The following GPC5 variants were observed in gnomAD, a reference collection of about 807,000 sequenced individuals.
The protein encoded by GPC5 is glypican 5.
A neutral mutation model predicts 53.9 loss-of-function variants in GPC5; 47 were observed. The ratio of observed to expected loss-of-function variants is 0.87; its 90% CI spans 0.69 to 1.11. The LOEUF (loss-of-function observed/expected upper bound fraction) is 1.11, where lower values mean the gene tolerates loss of function less well. GPC5 is among the 50% of genes most tolerant of loss of function. GPC5 has a pLI of 0.00. For missense variants in GPC5, 748 were observed against 713.1 expected, an observed-to-expected ratio of 1.05 and a Z score of -0.56; for synonymous variants, 286 against 263.3, an observed-to-expected ratio of 1.09 and a Z score of -0.84.
intron 7 of GPC5, among the ~76,000 whole-genome samples, chr13:92,809,906 G>A (rs372844689): frequency 3.4e-4 from 52 of 152,172 alleles, no homozygotes; most frequent in East Asian, 3.3e-3. Flanking sequence ...TAAACCTAGT[G>A]TGTGTGTCAC....
At chr13:92,526,280 G>T (rs568204855) in intron 7 of GPC5, among the ~76,000 whole-genome samples, 3 of 152,034 alleles carry the variant, frequency 2.0e-5, no homozygotes, top group Admixed American at 6.6e-5. Flanking sequence ...TGACAGAAAG[G>T]CCAATTAGGT....
chr13:92,784,468 A>G (rs1876142584), intron 7 of GPC5, among the ~76,000 whole-genome samples: 1 of 151,892 alleles, frequency 6.6e-6, no homozygotes, highest in African/African-American at 2.4e-5. Context: ...TACTTTACTC[A>G]CAGTCTCCCT....
At chr13:91,855,392 C>T (rs1434019231) in intron 5 of GPC5, among the ~76,000 whole-genome samples, 2 of 151,726 alleles carry the variant, frequency 1.3e-5, no homozygotes, top group East Asian at 3.9e-4. Flanking sequence ...ACAACCATGG[C>T]AATCCACATT....
intron 3 of GPC5, among the ~76,000 whole-genome samples, chr13:91,707,766 T>C (rs1364017369): frequency 6.6e-6 from 1 of 152,142 alleles, no homozygotes; most frequent in Admixed American, 6.6e-5. Context: ...AAAAGTTAAA[T>C]TGAGAGCTAG....
intron 2 of GPC5, among the ~76,000 whole-genome samples, chr13:91,671,780 C>CCAAAA (rs2035249718): frequency 3.0e-5 from 1 of 33,124 alleles, no homozygotes; most frequent in Non-Finnish European, 5.8e-5. Flanking sequence ...CAATCTGAAG[C>CCAAAA]AAAAAAAAAA....
At chr13:91,454,442 A>G (rs1881400013) in intron 2 of GPC5, among the ~76,000 whole-genome samples, 1 of 152,100 alleles carries the variant, frequency 6.6e-6, no homozygotes, top group South Asian at 2.1e-4. Flanking sequence ...TCTTGCAAGC[A>G]CAGTAATTTG....
chr13:91,973,588 C>T (rs1248312514), intron 6 of GPC5, among the ~76,000 whole-genome samples: 4 of 152,188 alleles, frequency 2.6e-5, no homozygotes, highest in African/African-American at 9.7e-5. Flanking sequence ...TTTTCCCCAT[C>T]TTTGTGGTTT....
intron 2 of GPC5, among the ~76,000 whole-genome samples, chr13:91,600,705 A>G (rs1410227485): frequency 6.6e-6 from 1 of 152,152 alleles, no homozygotes; most frequent in African/African-American, 2.4e-5. Flanking sequence ...GGTTTTATCA[A>G]TAATTCTTAT....
At chr13:91,969,389 T>C (rs1447064384) in intron 6 of GPC5, among the ~76,000 whole-genome samples, 2 of 152,194 alleles carry the variant, frequency 1.3e-5, no homozygotes, top group African/African-American at 4.8e-5. Flanking sequence ...TCAAAATGGA[T>C]TAAAGGCTTA....
At chr13:92,645,280 G>C (rs1473093113) in intron 7 of GPC5, among the ~76,000 whole-genome samples, 1 of 151,998 alleles carries the variant, frequency 6.6e-6, no homozygotes, top group East Asian at 1.9e-4. Flanking sequence ...CAAGTAGCTG[G>C]GACTACAGTG....
At chr13:92,809,559 CTG>C (rs1451159835) in intron 7 of GPC5, among the ~76,000 whole-genome samples, 2 of 152,182 alleles carry the variant, frequency 1.3e-5, no homozygotes, top group African/African-American at 2.4e-5. Flanking sequence ...CATGGTACAC[CTG>C]CATGTGCAGA....
At chr13:92,572,901 A>T (rs1476939827) in intron 7 of GPC5, among the ~76,000 whole-genome samples, 1 of 152,202 alleles carries the variant, frequency 6.6e-6, no homozygotes. Flanking sequence ...TGCCTATTAT[A>T]ACTATTAGAG....
At chr13:92,438,603 C>A (rs905255105) in intron 7 of GPC5, among the ~76,000 whole-genome samples, 3 of 151,826 alleles carry the variant, frequency 2.0e-5, no homozygotes, top group Admixed American at 6.6e-5. Context: ...CTTTAACATT[C>A]AAAAAGAGCT....
chr13:92,378,436 C>A (rs1395462014), intron 7 of GPC5, among the ~76,000 whole-genome samples: 1 of 152,090 alleles, frequency 6.6e-6, no homozygotes, highest in Non-Finnish European at 1.5e-5. Context: ...TTAAAGAAAA[C>A]AAATACACTT....
chr13:92,157,236 G>A (rs2041951382), intron 7 of GPC5, among the ~76,000 whole-genome samples: 1 of 152,280 alleles, frequency 6.6e-6, no homozygotes. Flanking sequence ...CAGATGGAAT[G>A]AAATAGGCAA....
intron 7 of GPC5, among the ~76,000 whole-genome samples, chr13:92,324,455 G>A (rs1190895493): frequency 6.6e-6 from 1 of 151,882 alleles, no homozygotes; most frequent in Non-Finnish European, 1.5e-5. Flanking sequence ...ATTAGGTATA[G>A]AATGTTTGCT....
chr13:92,803,607 TCACTAATTTTATATATCC>T (rs901054734), intron 7 of GPC5, among the ~76,000 whole-genome samples: 9 of 152,018 alleles, frequency 5.9e-5, no homozygotes, highest in African/African-American at 2.2e-4. Flanking sequence ...AGCTTCATCT[TCACTAATTTTATATATCC>T]CACTAATTTT....
chr13:92,758,726 T>C (rs1025678205), intron 7 of GPC5, among the ~76,000 whole-genome samples: 2 of 152,096 alleles, frequency 1.3e-5, no homozygotes, highest in Non-Finnish European at 1.5e-5. Context: ...CTCCTTTACC[T>C]GTAAAAAATA....
At chr13:92,294,456 A>G (rs954040661) in intron 7 of GPC5, among the ~76,000 whole-genome samples, 140 of 152,254 alleles carry the variant, frequency 9.2e-4, no homozygotes, top group African/African-American at 3.2e-3. Flanking sequence ...GAATTTATCC[A>G]TCTCTTCTAG....
Sources: allele counts gnomAD v4.1 joint callset (sites outside exome capture counted in the v4.1 genomes callset), GRCh38; gene constraint gnomAD v4.1.1; transcripts MANE v1.5; gene names NCBI Gene and HGNC (gene_info 2026-07-23, HGNC 2026-07-21).